The following KLF16 variants were observed in gnomAD, a reference collection of about 807,000 sequenced individuals.
KLF16 encodes KLF transcription factor 16, also known as Krueppel-like factor 16.
Under a neutral mutation model 6.1 loss-of-function variants are expected in KLF16, and 6 were observed. That is an observed-to-expected ratio of 0.98 (90% CI 0.54 to 1.93). The LOEUF (loss-of-function observed/expected upper bound fraction) is 1.93, where lower values mean the gene tolerates loss of function less well. KLF16 is among the 30% of genes most tolerant of loss of function. The pLI is 0.01. For synonymous variants in KLF16, 211 were observed against 176.5 expected (o/e 1.20, Z -1.55); for missense variants, 355 against 363.8 (o/e 0.98, Z 0.20).
rs989389639 is a variant in KLF16 at position 1,856,319 on chromosome 19, G to A, written c.458-1559C>T. 5.3e-5 allele frequency among the ~76,000 whole-genome samples: 8 copies of A among 152,210 alleles called. No homozygotes were observed. The South Asian group carries it at 1.0e-3, about 20-fold the overall frequency. On this transcript the variant is annotated intron_variant, in intron 1 of 1. Coordinates refer to ENST00000250916, the MANE Select transcript of KLF16 (RefSeq NM_031918.4). ...GGTCTGCCCACTGAGGGGCACCAGC[G>A]ATCACCCGTGACCCAAGAAGAGCTG...
At chr19:1,876,535 A>G in the KLF16 span, among the ~76,000 whole-genome samples, 1 of 152,190 alleles carries the variant, frequency 6.6e-6, no homozygotes, top group African/African-American at 2.4e-5. Flanking sequence ...CAGCTTCGCC[A>G]TCTACGAAGG....
the KLF16 span, among the ~76,000 whole-genome samples, chr19:1,873,645 C>T: frequency 2.6e-5 from 4 of 151,854 alleles, no homozygotes; most frequent in South Asian, 2.1e-4. Flanking sequence ...AAATGGAGAA[C>T]GGGAAGTTGG....
At chr19:1,867,175 G>C (rs965139918), upstream of KLF16, among the ~76,000 whole-genome samples, 3 of 152,228 alleles carry the variant, frequency 2.0e-5, no homozygotes, top group Non-Finnish European at 4.4e-5. Flanking sequence ...GCCTCATAGA[G>C]GGCAAAGAAC....
At chr19:1,856,295 G>A (rs1369765310) in intron 1 of KLF16, among the ~76,000 whole-genome samples, 3 of 152,162 alleles carry the variant, frequency 2.0e-5, no homozygotes, top group Non-Finnish European at 4.4e-5. Context: ...GGGTGGAGGG[G>A]TCTGCCCACT....
upstream of KLF16, among the ~76,000 whole-genome samples, chr19:1,866,349 G>A (rs996200790): frequency 2.0e-5 from 3 of 151,898 alleles, no homozygotes; most frequent in Admixed American, 1.3e-4. Flanking sequence ...GGTGGCTCAC[G>A]CCTGTAATCC....
chr19:1,858,655 A>G (rs2012001957), intron 1 of KLF16, among the ~76,000 whole-genome samples: 1 of 152,084 alleles, frequency 6.6e-6, no homozygotes, highest in South Asian at 2.1e-4. Context: ...AGCATCTTGA[A>G]TACTCCTGTC....
chr19:1,874,112 T>A, the KLF16 span, among the ~76,000 whole-genome samples: 5 of 152,318 alleles, frequency 3.3e-5, no homozygotes, highest in Admixed American at 1.3e-4. Flanking sequence ...CGTCAACTAT[T>A]TTAAGATGAG....
chr19:1,866,401 G>A (rs958579563), upstream of KLF16, among the ~76,000 whole-genome samples: 5 of 151,654 alleles, frequency 3.3e-5, no homozygotes, highest in East Asian at 3.9e-4. Flanking sequence ...ACCTGAGGTC[G>A]AGAGTTCGAG....
chr19:1,864,921 C>T (rs1353801338), upstream of KLF16, among the ~76,000 whole-genome samples: 3 of 152,158 alleles, frequency 2.0e-5, no homozygotes, highest in African/African-American at 4.8e-5. Flanking sequence ...CTCCAGGGGG[C>T]GGAGCTGCTT....
At chr19:1,860,757 C>T (rs960521198) in intron 1 of KLF16, among the ~76,000 whole-genome samples, 3 of 152,216 alleles carry the variant, frequency 2.0e-5, no homozygotes, top group African/African-American at 7.2e-5. Context: ...AAAACCAGAC[C>T]ACCTTCCACT....
chr19:1,868,923 G>T, the KLF16 span, among the ~76,000 whole-genome samples: 1 of 152,122 alleles, frequency 6.6e-6, no homozygotes, highest in Non-Finnish European at 1.5e-5. Flanking sequence ...GATTATAGGC[G>T]TGAGCCACCG....
At chr19:1,864,314 C>G (rs1163335191), upstream of KLF16, among the ~76,000 whole-genome samples, 1 of 152,156 alleles carries the variant, frequency 6.6e-6, no homozygotes, top group Non-Finnish European at 1.5e-5. Flanking sequence ...TGGGGCCCTG[C>G]TTTGACCCCG....
At chr19:1,862,357 G>C (rs1437519332) in intron 1 of KLF16, among the ~76,000 whole-genome samples, 1 of 152,188 alleles carries the variant, frequency 6.6e-6, no homozygotes, top group Non-Finnish European at 1.5e-5. Context: ...GCCAGGTAGG[G>C]GTGAACAAAC....
rs1303063956 is a variant in KLF16 at position 1,854,462 on chromosome 19, C to CA, written c.755dup (p.Ter253ValfsTer9). On this transcript the variant is annotated frameshift_variant, in exon 2 of 2. Transcript: ENST00000250916. LOFTEE classifies it high-confidence loss of function. ...CAGGGTGGGCTGCACGAGGGCCCTA[C>CA]AGGCCTGCGGGGGCTGGGCTGGGCG... 1 of 1,410,692 alleles carries CA rather than the reference C, an allele frequency of 7.1e-7. No individual in the cohort carries two copies. The highest frequency in any genetic ancestry group is 1.5e-5 in the African/African-American group (1 of 65,660). The allele number at this position is 1,410,692 out of a possible 1,614,324, so 87.4% of individuals were successfully genotyped here.
At chr19:1,874,089 G>T in the KLF16 span, among the ~76,000 whole-genome samples, 17 of 152,304 alleles carry the variant, frequency 1.1e-4, no homozygotes, top group South Asian at 2.3e-3. Context: ...GTACCACATG[G>T]ATCAGATGAA....
At chr19:1,856,817 C>A (rs1400084329) in intron 1 of KLF16, among the ~76,000 whole-genome samples, 1 of 152,134 alleles carries the variant, frequency 6.6e-6, no homozygotes, top group East Asian at 1.9e-4. Context: ...GGCGGGGAGG[C>A]GGCAGGAGGG....
chr19:1,856,963 G>GGGGC (rs1466347651), intron 1 of KLF16, among the ~76,000 whole-genome samples: 1 of 117,468 alleles, frequency 8.5e-6, no homozygotes, highest in African/African-American at 4.4e-5. Flanking sequence ...GGTGGGGGGG[G>GGGGC]CGACCGGGGC....
At chr19:1,854,936 C>G (rs4806812) in intron 1 of KLF16, among the ~76,000 whole-genome samples, 176 bp from the exon 2 acceptor site, 39,645 of 152,066 alleles carry the variant, frequency 0.26, 5,526 homozygotes, top group Admixed American at 0.34. Context: ...TACCCGCCCC[C>G]CGGTGGCCCA....
upstream of KLF16, among the ~76,000 whole-genome samples, chr19:1,866,456 C>CAAA (rs369698123): frequency 2.0e-4 from 30 of 150,728 alleles, no homozygotes; most frequent in African/African-American, 6.6e-4. Flanking sequence ...ACTAAAAATA[C>CAAA]AAAAAAAATT....
Sources: allele counts gnomAD v4.1 joint callset (sites outside exome capture counted in the v4.1 genomes callset), GRCh38; gene constraint gnomAD v4.1.1; transcripts MANE v1.5; gene names NCBI Gene and HGNC (gene_info 2026-07-23, HGNC 2026-07-21).